ERICH1: variants seen among roughly 807,000 people sequenced by gnomAD.
ERICH1 encodes the protein glutamate rich 1, also known as glutamate-rich protein 1.
A neutral mutation model predicts 39.6 loss-of-function variants in ERICH1; 56 were observed. That is an observed-to-expected ratio of 1.41 (90% CI 1.14 to 1.77). The LOEUF (loss-of-function observed/expected upper bound fraction) is 1.77. Among genes scored for constraint, ERICH1 ranks in the 40% most tolerant of loss-of-function variants. The pLI, the probability that ERICH1 is intolerant of heterozygous loss-of-function variation, is 0.00. For synonymous variants in ERICH1, 313 were observed against 223.6 expected (o/e 1.40, Z -3.57); for missense variants, 826 against 575.4 (o/e 1.44, Z -4.45).
intron 3 of ERICH1, among the ~76,000 whole-genome samples, chr8:639,845 A>G (rs1798797195): frequency 7.8e-6 from 1 of 127,408 alleles, no homozygotes; most frequent in Non-Finnish European, 1.7e-5. Flanking sequence ...CACACCAAGC[A>G]CCCTGGATTC....
chr8:664,473 C>A lies in ERICH1; in HGVS notation c.*130G>T, dbSNP rs1801890037. 4 of 1,298,156 alleles carry A rather than the reference C, an allele frequency of 3.1e-6. No individual in the cohort carries two copies. Among genetic ancestry groups the A allele is most frequent in the Non-Finnish European group, 3.9e-6 (4 of 1,019,918 alleles). The allele number at this position is 1,298,156 out of a possible 1,614,324, so 80.4% of individuals were successfully genotyped here. A position where few individuals can be genotyped will look rare whatever the true frequency, so the allele number is the denominator to read the frequency against. ...CAGATGGCATCTTGCCCACCAGGAA[C>A]AAACACGTGAATAAATAATATGGCA... On this transcript the variant is annotated 3_prime_UTR_variant, in exon 6 of 6. Transcript: ENST00000262109.
intron 3 of ERICH1, among the ~76,000 whole-genome samples, chr8:688,815 ATC>A (rs975744673): frequency 4.6e-5 from 7 of 152,214 alleles, no homozygotes; most frequent in South Asian, 2.1e-4. Flanking sequence ...TCGATGGGAA[ATC>A]TCTCTCTTAT....
At chr8:630,840 G>A (rs1398830887) in intron 3 of ERICH1, among the ~76,000 whole-genome samples, 6 of 138,180 alleles carry the variant, frequency 4.3e-5, no homozygotes, top group African/African-American at 1.1e-4. Flanking sequence ...ACACCCTCCC[G>A]TGACCACCCA....
intron 3 of ERICH1, among the ~76,000 whole-genome samples, chr8:628,203 T>C (rs1400016357): frequency 6.6e-6 from 1 of 152,178 alleles, no homozygotes; most frequent in Non-Finnish European, 1.5e-5. Context: ...ACGAAACTAC[T>C]TGATGTTATC....
chr8:716,899 A>T (rs58923835), intron 1 of ERICH1, among the ~76,000 whole-genome samples: 9 of 152,018 alleles, frequency 5.9e-5, no homozygotes. Flanking sequence ...ACTGTAGCTG[A>T]AGGCACAAAT....
At chr8:656,567 T>A (rs544541537) in intron 3 of ERICH1, among the ~76,000 whole-genome samples, 1 of 152,220 alleles carries the variant, frequency 6.6e-6, no homozygotes, top group Non-Finnish European at 1.5e-5. Flanking sequence ...TTGTAATGCG[T>A]CATCCTCCAT....
intron 2 of ERICH1, among the ~76,000 whole-genome samples, chr8:708,688 T>TG (rs1554526229): frequency 3.1e-5 from 1 of 31,778 alleles, no homozygotes; most frequent in Non-Finnish European, 8.2e-5. Flanking sequence ...TGAGTTTTTT[T>TG]TTTTTTTTTT....
At chr8:709,780 C>T (rs1232940292) in intron 2 of ERICH1, among the ~76,000 whole-genome samples, 2 of 152,146 alleles carry the variant, frequency 1.3e-5, no homozygotes, top group African/African-American at 2.4e-5. Flanking sequence ...TAGAATGAAA[C>T]TGGCCTGGAA....
intron 2 of ERICH1, among the ~76,000 whole-genome samples, chr8:715,488 C>A (rs932986978): frequency 2.0e-5 from 3 of 152,224 alleles, no homozygotes; most frequent in Non-Finnish European, 4.4e-5. Flanking sequence ...CCTGAGTGGG[C>A]ACAAGCCAAC....
chr8:649,893 G>C (rs891846477), intron 3 of ERICH1, among the ~76,000 whole-genome samples: 2 of 152,212 alleles, frequency 1.3e-5, no homozygotes, highest in African/African-American at 4.8e-5. Context: ...GTGGCCCCAG[G>C]TTGGGAGGAG....
At chr8:712,859 C>A (rs138040545) in intron 2 of ERICH1, among the ~76,000 whole-genome samples, 4 of 152,210 alleles carry the variant, frequency 2.6e-5, no homozygotes, top group Non-Finnish European at 4.4e-5. Context: ...TCATTACCTG[C>A]TTTTTCTTTA....
rs1461907605 is a variant in ERICH1, at chr8:692,381, A to C, written c.304+97T>G. The C allele has an allele frequency of 2.6e-6, 4 of 1,539,672 alleles. No individual in the cohort carries two copies. In the African/African-American group the frequency reaches 4.1e-5, roughly 16 times the overall value. On this transcript the variant is annotated intron_variant, in intron 3 of 5. Transcript: ENST00000262109. ...TAACAACATGCTCACCCACCCCCCA[A>C]GTATGAATTTAGATAAAGGTATTAC...
intron 3 of ERICH1, among the ~76,000 whole-genome samples, chr8:689,455 C>T (rs117357757): frequency 0.014 from 2,119 of 152,268 alleles, 22 homozygotes; most frequent in Non-Finnish European, 0.022. Flanking sequence ...TTTCCAAAAC[C>T]TAACGGACTG....
At chr8:721,471 G>C (rs917173310) in intron 1 of ERICH1, among the ~76,000 whole-genome samples, 2 of 152,214 alleles carry the variant, frequency 1.3e-5, no homozygotes, top group African/African-American at 4.8e-5. Context: ...CATCTGAGCT[G>C]ACAAGCGCCG....
At chr8:705,814 G>A (rs1415761137) in intron 2 of ERICH1, among the ~76,000 whole-genome samples, 3 of 152,200 alleles carry the variant, frequency 2.0e-5, no homozygotes, top group African/African-American at 7.2e-5. Context: ...GCACAGTGAT[G>A]TACCACAAAA....
chr8:704,308 G>C (rs1029031393), intron 2 of ERICH1, among the ~76,000 whole-genome samples: 7 of 152,202 alleles, frequency 4.6e-5, no homozygotes, highest in African/African-American at 1.7e-4. Context: ...GGAGAGGTGA[G>C]ACCGGGAGTT....
chr8:673,620 C>T lies in ERICH1; in HGVS notation c.732G>A (p.Arg244=). ...CGTCCGCACCCTCTTCCTGCCTGGC[C>T]CGTGTCAGGTCTTCCTCGCTAGCGT... The part of the protein sequence containing the change: ...GADASEEDLT[R]ARQEEGADAS... The change falls in exon 4 of 6, where the codon CGG becomes CGA. Residue 244 remains arginine (R), a synonymous_variant. Coordinates refer to ENST00000262109, the MANE Select transcript of ERICH1 (RefSeq NM_207332.3). 2 of 1,556,396 alleles carry T rather than the reference C, an allele frequency of 1.3e-6. No homozygotes were observed. Among genetic ancestry groups the T allele is most frequent in the East Asian group, 2.3e-5 (1 of 44,392 alleles).
chr8:652,260 C>T (rs771183497), intron 3 of ERICH1, among the ~76,000 whole-genome samples: 4 of 152,210 alleles, frequency 2.6e-5, no homozygotes, highest in Non-Finnish European at 5.9e-5. Context: ...GGAAAGGTTA[C>T]GTGATGGAGG....
At chr8:707,424 T>C (rs1393902163) in intron 2 of ERICH1, among the ~76,000 whole-genome samples, 2 of 152,010 alleles carry the variant, frequency 1.3e-5, no homozygotes, top group African/African-American at 4.8e-5. Flanking sequence ...GCCAGGCTGG[T>C]CTCGAACTCC....
Sources: allele counts gnomAD v4.1 joint callset (sites outside exome capture counted in the v4.1 genomes callset), GRCh38; gene constraint gnomAD v4.1.1; transcripts MANE v1.5; gene names NCBI Gene and HGNC (gene_info 2026-07-23, HGNC 2026-07-21).